The following RTN4RL1 variants were observed in gnomAD, a reference collection of about 807,000 sequenced individuals.
RTN4RL1 encodes the protein reticulon-4 receptor-like 1.
RTN4RL1 carries 7 observed loss-of-function variants against 25.6 expected under a neutral mutation model. That is an observed-to-expected ratio of 0.27 (90% CI 0.16 to 0.51). The LOEUF (loss-of-function observed/expected upper bound fraction) is 0.51, where lower values mean the gene tolerates loss of function less well. RTN4RL1 is among the 20% of genes least tolerant of loss of function. The probability of loss-of-function intolerance (pLI) is 0.97; values close to 1 mark genes in which losing one functional copy is unlikely to be tolerated. For missense variants in RTN4RL1, 500 were observed against 615.6 expected (o/e 0.81, Z 1.99); for synonymous variants, 297 against 288.2 (o/e 1.03, Z -0.31).
Position 2,021,703 on chromosome 17 carries a change from A to T in RTN4RL1, c.13+3150T>A, listed in dbSNP as rs575985222. Among the ~76,000 whole-genome samples the T allele has an allele frequency of 3.3e-5, 5 of 151,648 alleles. No homozygotes were observed. The East Asian group carries it at 9.8e-4, about 30-fold the overall frequency. ...CCAAGGAGCTGGGATTACAGGCATG[A>T]ACCAGCACGCCCGGCTAATTTTTGT... is the stretch of plus-strand genomic sequence containing the variant. On this transcript the variant is annotated intron_variant, in intron 1 of 1. Coordinates refer to ENST00000331238, the MANE Select transcript of RTN4RL1 (RefSeq NM_178568.4).
intron 1 of RTN4RL1, among the ~76,000 whole-genome samples, chr17:2,024,363 A>G (rs997721184): frequency 6.6e-6 from 1 of 152,088 alleles, no homozygotes; most frequent in African/African-American, 2.4e-5. Flanking sequence ...TGCAGAGAAG[A>G]CGTCCGCGTC....
intron 1 of RTN4RL1, among the ~76,000 whole-genome samples, chr17:1,938,695 T>C (rs757641396): frequency 2.0e-5 from 3 of 152,010 alleles, no homozygotes; most frequent in African/African-American, 7.2e-5. Context: ...ATTTACAGTG[T>C]CTTCCACATC....
At chr17:1,987,999 G>T (rs548080265) in intron 1 of RTN4RL1, among the ~76,000 whole-genome samples, 10 of 151,930 alleles carry the variant, frequency 6.6e-5, no homozygotes, top group Non-Finnish European at 1.5e-4. Context: ...CCAGCTACTC[G>T]GGAGGCTGAG....
intron 1 of RTN4RL1, among the ~76,000 whole-genome samples, chr17:2,000,657 T>A (rs1463269631): frequency 6.6e-6 from 1 of 152,092 alleles, no homozygotes; most frequent in Non-Finnish European, 1.5e-5. Flanking sequence ...GTAGCTGGGA[T>A]TACAGGGGCG....
chr17:1,935,748 T>C lies in RTN4RL1; in HGVS notation c.*748A>G. 3.5e-6 allele frequency: 1 copy of C among 283,386 alleles called. No homozygotes were observed. Among genetic ancestry groups the C allele is most frequent in the Non-Finnish European group, 5.1e-6 (1 of 196,182 alleles). 17.6% of individuals were successfully genotyped at this position (283,386 alleles called of 1,614,324 possible). A position where few individuals can be genotyped will look rare whatever the true frequency, so the allele number is the denominator to read the frequency against. On this transcript the variant is annotated 3_prime_UTR_variant, in exon 2 of 2. Coordinates refer to ENST00000331238, the MANE Select transcript of RTN4RL1 (RefSeq NM_178568.4). ...ATATATATATATATATATATATATATATATATGTAGAGTGTGAATATATAT... is the reference window on the plus strand; with the variant it reads ...ATATATATATATATATATATATATACATATATGTAGAGTGTGAATATATAT...
intron 1 of RTN4RL1, among the ~76,000 whole-genome samples, chr17:1,997,122 TG>T (rs760673017): frequency 5.9e-5 from 9 of 152,242 alleles, no homozygotes; most frequent in Non-Finnish European, 1.2e-4. Context: ...GTCATTCCTT[TG>T]CTTAAAACCT....
chr17:1,939,073 C>A (rs554881442), intron 1 of RTN4RL1, among the ~76,000 whole-genome samples: 9 of 150,496 alleles, frequency 6.0e-5, no homozygotes, highest in African/African-American at 2.2e-4. Context: ...AAAATAAAGG[C>A]CGGGAGCAGT....
chr17:1,970,543 CA>C (rs758981028), intron 1 of RTN4RL1, among the ~76,000 whole-genome samples: 4 of 152,208 alleles, frequency 2.6e-5, no homozygotes, highest in African/African-American at 7.2e-5. Context: ...CCTCGTGGGA[CA>C]GGCGTGGCAG....
At chr17:1,960,914 C>A (rs1017912428) in intron 1 of RTN4RL1, among the ~76,000 whole-genome samples, 1 of 152,324 alleles carries the variant, frequency 6.6e-6, no homozygotes, top group Middle Eastern at 3.4e-3. Flanking sequence ...AAGTCACCTC[C>A]CTGTCTCCAG....
chr17:1,956,938 C>T (rs557947271), intron 1 of RTN4RL1, among the ~76,000 whole-genome samples: 1 of 152,106 alleles, frequency 6.6e-6, no homozygotes, highest in African/African-American at 2.4e-5. Context: ...CGGGTTTTCA[C>T]CATGTTGGCC....
intron 1 of RTN4RL1, among the ~76,000 whole-genome samples, chr17:1,954,383 CT>C (rs55654151): frequency 0.29 from 36,489 of 123,694 alleles, 2,682 homozygotes; most frequent in Middle Eastern, 0.38. Context: ...TGCTTCCTTC[CT>C]TTTTTTTTTT....
intron 1 of RTN4RL1, among the ~76,000 whole-genome samples, chr17:1,985,304 G>T (rs2066883184): frequency 6.6e-6 from 1 of 152,200 alleles, no homozygotes; most frequent in Non-Finnish European, 1.5e-5. Flanking sequence ...TGTCAACTCT[G>T]CCCGGAAATG....
intron 1 of RTN4RL1, among the ~76,000 whole-genome samples, chr17:2,004,943 C>T (rs1352032948): frequency 2.6e-5 from 4 of 152,218 alleles, no homozygotes; most frequent in African/African-American, 7.2e-5. Flanking sequence ...GGAATGGCGG[C>T]GTTCATTGAG....
At chr17:1,989,787 T>G (rs1401801856) in intron 1 of RTN4RL1, among the ~76,000 whole-genome samples, 4 of 152,010 alleles carry the variant, frequency 2.6e-5, no homozygotes, top group African/African-American at 9.7e-5. Context: ...TTGGACAGGC[T>G]GGTCTCGAAC....
chr17:1,956,313 A>G (rs1915792606), intron 1 of RTN4RL1, among the ~76,000 whole-genome samples: 1 of 152,120 alleles, frequency 6.6e-6, no homozygotes, highest in African/African-American at 2.4e-5. Flanking sequence ...AGATCCAGGT[A>G]GCTATGAGAA....
chr17:1,961,181 T>C (rs1915886735), intron 1 of RTN4RL1, among the ~76,000 whole-genome samples: 1 of 152,156 alleles, frequency 6.6e-6, no homozygotes, highest in Non-Finnish European at 1.5e-5. Context: ...TGAAGCCATC[T>C]ACAAAGATAA....
chr17:2,024,401 G>C (rs1311501030), intron 1 of RTN4RL1, among the ~76,000 whole-genome samples: 2 of 152,180 alleles, frequency 1.3e-5, no homozygotes, highest in African/African-American at 4.8e-5. Context: ...GCTAGGGCGC[G>C]CGGGGAGCGC....
At chr17:1,976,414 G>A (rs899183751) in intron 1 of RTN4RL1, among the ~76,000 whole-genome samples, 5 of 152,232 alleles carry the variant, frequency 3.3e-5, no homozygotes, top group Non-Finnish European at 7.3e-5. Flanking sequence ...TCACTGTAAG[G>A]TTTGCTAAGA....
chr17:1,998,780 G>T lies in RTN4RL1; in HGVS notation c.13+26073C>A, dbSNP rs1247309958. Among the ~76,000 whole-genome samples the T allele has an allele frequency of 6.6e-6, 1 of 151,778 alleles. No individual in the cohort carries two copies. Among genetic ancestry groups the T allele is most frequent in the African/African-American group, 2.4e-5 (1 of 41,344 alleles). On this transcript the variant is annotated intron_variant, in intron 1 of 1. Transcript: ENST00000331238. The surrounding 1 kb of genome is among the most constrained non-coding windows in gnomAD (Gnocchi z 4.9). ...GCCTCGCGCGCACGGGGACCCCGGG[G>T]TGGGGGTGGGGGTGGGGCTCTGCGA...
Sources: allele counts gnomAD v4.1 joint callset (sites outside exome capture counted in the v4.1 genomes callset), GRCh38; gene constraint gnomAD v4.1.1; non-coding constraint Gnocchi (gnomAD v3.1); transcripts MANE v1.5; gene names NCBI Gene and HGNC (gene_info 2026-07-23, HGNC 2026-07-21).